Variants in FEZ2 observed in about 807,000 individuals in gnomAD.
FEZ2 encodes fasciculation and elongation protein zeta 2.
Under a neutral mutation model 40.4 loss-of-function variants are expected in FEZ2, and 51 were observed. The ratio of observed to expected loss-of-function variants is 1.26; its 90% CI spans 1.01 to 1.59. The LOEUF is 1.59. Ranked by LOEUF, FEZ2 falls within the 40% of genes most tolerant of loss-of-function variation. The pLI is 0.00. For missense variants in FEZ2, 640 were observed against 438.3 expected (o/e 1.46, Z -4.11); for synonymous variants, 242 against 172.0 (o/e 1.41, Z -3.18).
intron 1 of FEZ2, among the ~76,000 whole-genome samples, chr2:36,591,760 G>A (rs1447853629): frequency 6.6e-6 from 1 of 152,156 alleles, no homozygotes; most frequent in African/African-American, 2.4e-5. Flanking sequence ...ACTGAGACTA[G>A]GGAAACAAAC....
Position 36,583,451 on chromosome 2 carries a change from A to T in FEZ2, c.394T>A (p.Phe132Ile). 1 of 1,586,642 alleles carries T rather than the reference A, an allele frequency of 6.3e-7. No homozygotes were observed. The highest frequency in any genetic ancestry group is 8.7e-7 in the Non-Finnish European group (1 of 1,155,074). Reference protein sequence around the residue: ...SEKGVSDSLLFDTSDDEELRE... With the variant: ...SEKGVSDSLLIDTSDDEELRE... ...AGCTCTTCATCATCTGATGTATCAA[A>T]GAGCAAACTGTCACTTACCTAAAAA... is the stretch of plus-strand genomic sequence containing the variant. Residue 132 changes from phenylalanine to isoleucine, a missense_variant, in exon 3 of 8, where the codon TTT becomes ATT. Coordinates refer to ENST00000405912, the MANE Select transcript of FEZ2 (RefSeq NM_005102.3).
intron 5 of FEZ2, among the ~76,000 whole-genome samples, chr2:36,571,950 G>C (rs1668426411): frequency 6.7e-6 from 1 of 150,140 alleles, no homozygotes; most frequent in Non-Finnish European, 1.5e-5. Context: ...GGGATGCGGA[G>C]GTTGCAGTGA....
rs1669299629 is a variant in FEZ2, at chr2:36,598,148, C to T, written c.-6G>A. The T allele has an allele frequency of 2.0e-6, 3 of 1,469,422 alleles. No homozygotes were observed. The highest frequency in any genetic ancestry group is 2.7e-6 in the Non-Finnish European group (3 of 1,117,966). The allele number at this position is 1,469,422 out of a possible 1,614,324, so 91.0% of individuals were successfully genotyped here. A position where few individuals can be genotyped will look rare whatever the true frequency, so the allele number is the denominator to read the frequency against. On this transcript the variant is annotated 5_prime_UTR_variant, in exon 1 of 8. Transcript: ENST00000405912. Reference sequence around the variant, plus strand: ...CAGTCCCCGTCCGCCGCCATCGCCGCCCGGAGCAGTCGCGCGCCCCGCCCA... The same window carrying T: ...CAGTCCCCGTCCGCCGCCATCGCCGTCCGGAGCAGTCGCGCGCCCCGCCCA...
At chr2:36,590,674 T>C (rs1397143271) in intron 2 of FEZ2, 3 of 438,782 alleles carry the variant, frequency 6.8e-6, no homozygotes, top group Non-Finnish European at 4.0e-6. Flanking sequence ...AAAATTGTGA[T>C]GGAAATTTAG....
chr2:36,597,908 T>A lies in FEZ2; in HGVS notation c.235A>T (p.Ile79Phe). ...AEPPRTAVRP[I>F]TERSLLQGDE... The stretch of plus-strand genomic sequence containing the variant: ...CCCTGCAGGAGGCTGCGCTCCGTGA[T>A]GGGCCGCACGGCCGTCCTCGGGGGC... Residue 79 changes from isoleucine (I) to phenylalanine (F), a missense_variant, in exon 1 of 8, where the codon ATC becomes TTC. Physicochemically the swap from Ile to Phe is conservative, Grantham distance 21. Coordinates refer to ENST00000405912, the MANE Select transcript of FEZ2 (RefSeq NM_005102.3). 1 of 1,409,768 alleles carries A rather than the reference T, an allele frequency of 7.1e-7. No individual in the cohort carries two copies. The highest frequency in any genetic ancestry group is 9.2e-7 in the Non-Finnish European group (1 of 1,089,848). 87.3% of individuals were successfully genotyped at this position (1,409,768 alleles called of 1,614,324 possible). A position where few individuals can be genotyped will look rare whatever the true frequency, so the allele number is the denominator to read the frequency against.
intron 1 of FEZ2, among the ~76,000 whole-genome samples, chr2:36,593,076 T>C (rs1198319535): frequency 6.6e-6 from 1 of 152,168 alleles, no homozygotes; most frequent in African/African-American, 2.4e-5. Flanking sequence ...ATAAGAAATT[T>C]TCAAACACTG....
At position 36,574,647 on chromosome 2, in the gene FEZ2, G is replaced by GA. The variant is rs796129919; in HGVS notation, c.903+3949dup. Among the ~76,000 whole-genome samples the GA allele has an allele frequency of 8.7e-3, 1,247 of 143,316 alleles. 23 individuals are homozygous for GA. The highest frequency in any genetic ancestry group is 0.028 in the African/African-American group (1,118 of 39,256). The allele number at this position is 143,316 out of a possible 152,430, so 94.0% of individuals were successfully genotyped here. A position where few individuals can be genotyped will look rare whatever the true frequency, so the allele number is the denominator to read the frequency against. On this transcript the variant is annotated intron_variant, in intron 5 of 7. Coordinates refer to ENST00000405912, the MANE Select transcript of FEZ2 (RefSeq NM_005102.3). ...GGCCATGATTTTAAAGGATGAGTGAGAAAAAAAAAAAATCCCCCAAGTGGA... is the reference window on the plus strand; with the variant it reads ...GGCCATGATTTTAAAGGATGAGTGAGAAAAAAAAAAAAATCCCCCAAGTGGA...
chr2:36,596,354 G>C (rs1380005237), intron 1 of FEZ2, among the ~76,000 whole-genome samples: 1 of 152,204 alleles, frequency 6.6e-6, no homozygotes, highest in Non-Finnish European at 1.5e-5. Flanking sequence ...AATCAGGCTG[G>C]AAACTCCTTT....
chr2:36,564,191 G>A (rs1284184830), intron 5 of FEZ2, among the ~76,000 whole-genome samples: 4 of 152,124 alleles, frequency 2.6e-5, no homozygotes, highest in Non-Finnish European at 4.4e-5. Flanking sequence ...GCTTCACTCT[G>A]CATGTTTAAT....
At chr2:36,592,672 C>T (rs984644000) in intron 1 of FEZ2, among the ~76,000 whole-genome samples, 6 of 150,450 alleles carry the variant, frequency 4.0e-5, no homozygotes, top group African/African-American at 1.5e-4. Context: ...AAAAATTGGC[C>T]AGGCCTGTGG....
At chr2:36,562,203 A>AT (rs1452927784) in intron 5 of FEZ2, among the ~76,000 whole-genome samples, 1 of 152,234 alleles carries the variant, frequency 6.6e-6, no homozygotes, top group Non-Finnish European at 1.5e-5. Context: ...ATTATTTTTC[A>AT]TAAATATATG....
chr2:36,594,982 A>G (rs1455706451), intron 1 of FEZ2, among the ~76,000 whole-genome samples: 3 of 152,234 alleles, frequency 2.0e-5, no homozygotes, highest in Non-Finnish European at 4.4e-5. Flanking sequence ...CAGTCAAGAC[A>G]TATGAACTGC....
intron 2 of FEZ2, among the ~76,000 whole-genome samples, chr2:36,586,861 G>A (rs936658410): frequency 2.2e-4 from 34 of 151,936 alleles, no homozygotes; most frequent in African/African-American, 4.4e-4. Flanking sequence ...CGGGAAGATC[G>A]CTTAAGCCCA....
chr2:36,578,206 AC>A (rs1432768935), intron 5 of FEZ2, among the ~76,000 whole-genome samples: 2 of 152,198 alleles, frequency 1.3e-5, no homozygotes, highest in Non-Finnish European at 2.9e-5. Flanking sequence ...TTCTTATCAC[AC>A]AACTCGTAAG....
chr2:36,562,146 T>G (rs955937309), intron 5 of FEZ2, among the ~76,000 whole-genome samples: 1 of 152,250 alleles, frequency 6.6e-6, no homozygotes, highest in Non-Finnish European at 1.5e-5. Context: ...GTTAATGAGA[T>G]TGACAAAAAT....
chr2:36,590,425 C>A (rs1284597597), intron 2 of FEZ2: 3 of 154,124 alleles, frequency 1.9e-5, no homozygotes, highest in Admixed American at 6.5e-5. Context: ...CACCTGTAAT[C>A]CCAGCACTCT....
intron 4 of FEZ2, among the ~76,000 whole-genome samples, chr2:36,579,762 A>C (rs1299372480): frequency 6.6e-6 from 1 of 152,220 alleles, no homozygotes; most frequent in Non-Finnish European, 1.5e-5. Flanking sequence ...GACTAAAAAA[A>C]CTGGGAAGAC....
Position 36,598,024 on chromosome 2 carries a change from G to A in FEZ2, c.119C>T (p.Ala40Val). ...PEPGAEAGAE[A>V]GGGADGFPAP... ...CGGGAAACCGTCGGCGCCCCCACCC[G>A]CCTCGGCCCCCGCCTCCGCCCCAGG... Residue 40 changes from alanine (A) to valine (V), a missense_variant, in exon 1 of 8, where the codon GCG becomes GTG. Transcript: ENST00000405912. 4 of 1,362,298 alleles carry A rather than the reference G, an allele frequency of 2.9e-6. No homozygotes were observed. The highest frequency in any genetic ancestry group is 2.3e-5 in the Admixed American group (1 of 43,648). The allele number at this position is 1,362,298 out of a possible 1,614,324, so 84.4% of individuals were successfully genotyped here.
chr2:36,552,566 CAGTGGTGAAACA>C lies in FEZ2; in HGVS notation c.*585_*596del. On this transcript the variant is annotated 3_prime_UTR_variant, in exon 8 of 8. Transcript: ENST00000405912. ...GGCAATTTAATGGTTAAAATTTGAC[CAGTGGTGAAACA>C]AGCAGCAAGCTACAAAATCCATCAC... The C allele has an allele frequency of 4.0e-6, 1 of 247,180 alleles. No individual in the cohort carries two copies. The highest frequency in any genetic ancestry group is 4.6e-5 in the South Asian group (1 of 21,518). The allele number at this position is 247,180 out of a possible 1,614,324, so 15.3% of individuals were successfully genotyped here.
Sources: gnomAD v4.1 joint callset for allele counts (sites outside exome capture counted in the v4.1 genomes callset) on GRCh38, gnomAD v4.1.1 for gene constraint, MANE v1.5 for transcripts, NCBI Gene and HGNC (gene_info 2026-07-23, HGNC 2026-07-21) for gene names.